Variants in FAM171B observed in about 807,000 individuals in gnomAD.
The protein encoded by FAM171B is protein FAM171B.
In FAM171B, 19 loss-of-function variants were observed where a neutral mutation model predicts 75.6. The observed-to-expected ratio is 0.25, with a 90% CI of 0.18 to 0.37. The LOEUF is 0.37. FAM171B is among the 10% of genes least tolerant of loss of function. FAM171B has a pLI of 1.00. For missense variants in FAM171B, 848 were observed against 982.4 expected (o/e 0.86, Z 1.83); for synonymous variants, 367 against 361.7 (o/e 1.01, Z -0.17).
intron 1 of FAM171B, among the ~76,000 whole-genome samples, chr2:186,696,187 G>C (rs943495025): frequency 6.6e-6 from 1 of 151,954 alleles, no homozygotes; most frequent in Admixed American, 6.6e-5. Context: ...CACACTCTTC[G>C]ATAGATCAAA....
chr2:186,750,813 A>C (rs992331187), intron 4 of FAM171B, among the ~76,000 whole-genome samples: 4 of 152,176 alleles, frequency 2.6e-5, no homozygotes, highest in African/African-American at 9.7e-5. Flanking sequence ...GGAATATGGT[A>C]CTATAGTGAG....
rs942784933 is a variant in FAM171B at position 186,698,744 on chromosome 2, T to C, written c.238+4333T>C. On this transcript the variant is annotated intron_variant, in intron 1 of 7. Transcript: ENST00000304698. ...AGATCTTATTCGTTCTACCTGACTA[T>C]ATTTTTATACTCATTGACCATCCCC... Among the ~76,000 whole-genome samples, 23 of 152,300 alleles carry C rather than the reference T, an allele frequency of 1.5e-4. 1 individual carries two copies. Among genetic ancestry groups the C allele is most frequent in the Admixed American group, 1.2e-3 (18 of 15,304 alleles).
At chr2:186,750,219 A>C (rs1690429238) in intron 4 of FAM171B, among the ~76,000 whole-genome samples, 1 of 152,200 alleles carries the variant, frequency 6.6e-6, no homozygotes, top group Non-Finnish European at 1.5e-5. Flanking sequence ...TATTCTTCAT[A>C]AATATTCTGG....
chr2:186,701,536 T>C (rs1689661179), intron 1 of FAM171B, among the ~76,000 whole-genome samples: 1 of 152,156 alleles, frequency 6.6e-6, no homozygotes, highest in Admixed American at 6.6e-5. Context: ...AAATCTCCCA[T>C]CCATGAAAGC....
chr2:186,715,100 C>G (rs1689856818), intron 1 of FAM171B, among the ~76,000 whole-genome samples: 1 of 152,156 alleles, frequency 6.6e-6, no homozygotes, highest in Admixed American at 6.5e-5. Context: ...GCATAGAATA[C>G]AACTCTCACA....
intron 6 of FAM171B, among the ~76,000 whole-genome samples, chr2:186,756,645 C>T (rs947193360): frequency 3.3e-5 from 5 of 152,100 alleles, no homozygotes; most frequent in African/African-American, 9.7e-5. Flanking sequence ...TTTCAGTGGA[C>T]GTTGATTATA....
At chr2:186,716,538 A>T (rs1303262203) in intron 1 of FAM171B, among the ~76,000 whole-genome samples, 1 of 152,168 alleles carries the variant, frequency 6.6e-6, no homozygotes, top group Non-Finnish European at 1.5e-5. Flanking sequence ...GCATCTCATT[A>T]ACTTACTATG....
rs561855053 is a variant in FAM171B at position 186,722,984 on chromosome 2, G to T, written c.239-17244G>T. Among the ~76,000 whole-genome samples, 58 of 152,178 alleles carry T rather than the reference G, an allele frequency of 3.8e-4. 1 individual carries two copies. The highest frequency in any genetic ancestry group is 1.2e-3 in the African/African-American group (51 of 41,532). The stretch of plus-strand genomic sequence containing the variant: ...TTTTGGACGATAAATCCTTTTCAGG[G>T]TATTAATTATATAAATAGTAATAGC... On this transcript the variant is annotated intron_variant, in intron 1 of 7. Transcript: ENST00000304698.
At position 186,747,229 on chromosome 2, in the gene FAM171B, G is replaced by A; in HGVS notation, c.703G>A (p.Gly235Arg). ...AGTGGACAATTTTCTGCATACAACT[G>A]GAATTACTCTCAATAAACCAGGTAT... Reference protein sequence around the residue: ...LKVDNFLHTTGITLNKPGFEN... With the variant: ...LKVDNFLHTTRITLNKPGFEN... The change falls in exon 4 of 8, where the codon GGA (glycine) becomes AGA (arginine). Residue 235 changes from glycine to arginine, a missense_variant. Coordinates refer to ENST00000304698, the MANE Select transcript of FAM171B (RefSeq NM_177454.4). 1.3e-6 allele frequency: 2 copies of A among 1,592,330 alleles called. No homozygotes were observed. Among genetic ancestry groups the A allele is most frequent in the Non-Finnish European group, 1.7e-6 (2 of 1,171,534 alleles).
intron 1 of FAM171B, among the ~76,000 whole-genome samples, chr2:186,727,332 G>A (rs1448463876): frequency 6.6e-6 from 1 of 152,174 alleles, no homozygotes; most frequent in African/African-American, 2.4e-5. Context: ...TGAAGGATAG[G>A]TTAGGATTTT....
intron 1 of FAM171B, among the ~76,000 whole-genome samples, chr2:186,733,245 T>C (rs1265941345): frequency 6.6e-6 from 1 of 152,226 alleles, no homozygotes; most frequent in Non-Finnish European, 1.5e-5. Context: ...TTTTGTGATC[T>C]ATACATAGAA....
At chr2:186,711,760 T>A (rs1180033694) in intron 1 of FAM171B, among the ~76,000 whole-genome samples, 1 of 152,198 alleles carries the variant, frequency 6.6e-6, no homozygotes, top group African/African-American at 2.4e-5. Context: ...TCAAGCAAAT[T>A]TTAAATCTGT....
At chr2:186,713,047 T>C (rs1689830190) in intron 1 of FAM171B, among the ~76,000 whole-genome samples, 1 of 152,184 alleles carries the variant, frequency 6.6e-6, no homozygotes, top group Admixed American at 6.5e-5. Flanking sequence ...TTAAAAAAAC[T>C]GGGTGACCAT....
At chr2:186,726,425 A>G (rs1690034187) in intron 1 of FAM171B, among the ~76,000 whole-genome samples, 1 of 152,100 alleles carries the variant, frequency 6.6e-6, no homozygotes. Flanking sequence ...TTGTGTGTCC[A>G]TATTTGAAAT....
chr2:186,747,272 A>C (rs1260782474), intron 4 of FAM171B, 22 bp downstream of exon 4: 1 of 1,499,856 alleles, frequency 6.7e-7, no homozygotes, highest in African/African-American at 1.4e-5. Flanking sequence ...TTTTTGTATA[A>C]TATAGTTATA....
chr2:186,698,859 G>A (rs1272218758), intron 1 of FAM171B, among the ~76,000 whole-genome samples: 2 of 152,000 alleles, frequency 1.3e-5, no homozygotes, highest in African/African-American at 4.8e-5. Context: ...TTACATTTTA[G>A]TTCCCACAAA....
chr2:186,748,110 G>A (rs955880235), intron 4 of FAM171B, among the ~76,000 whole-genome samples: 2 of 151,868 alleles, frequency 1.3e-5, no homozygotes, highest in South Asian at 2.1e-4. Context: ...TTTTTGTAGG[G>A]ATGGGGTTTC....
chr2:186,746,028 G>T (rs1321545101), intron 3 of FAM171B, among the ~76,000 whole-genome samples: 1 of 152,144 alleles, frequency 6.6e-6, no homozygotes, highest in Non-Finnish European at 1.5e-5. Flanking sequence ...TTTAAAAACT[G>T]ATGTCTTTTC....
At chr2:186,699,405 T>C (rs1040480998) in intron 1 of FAM171B, among the ~76,000 whole-genome samples, 1 of 152,174 alleles carries the variant, frequency 6.6e-6, no homozygotes. Context: ...CATATACCTG[T>C]TTGCCATTTG....
Sources: gnomAD v4.1 joint callset for allele counts (sites outside exome capture counted in the v4.1 genomes callset) on GRCh38, gnomAD v4.1.1 for gene constraint, MANE v1.5 for transcripts, NCBI Gene and HGNC (gene_info 2026-07-23, HGNC 2026-07-21) for gene names.